SEZ6L: variants seen among roughly 807,000 people sequenced by gnomAD.
SEZ6L encodes the protein seizure related 6 homolog like.
SEZ6L carries 37 observed loss-of-function variants against 106.2 expected under a neutral mutation model. The ratio of observed to expected loss-of-function variants is 0.35; its 90% confidence interval spans 0.27 to 0.46. SEZ6L has a LOEUF of 0.46. Ranked by LOEUF, SEZ6L falls within the 20% of genes least tolerant of loss-of-function variation. The pLI, the probability that SEZ6L is intolerant of heterozygous loss-of-function variation, is 1.00. For missense variants in SEZ6L, 1,172 were observed against 1,332.8 expected (o/e 0.88, Z 1.88); for synonymous variants, 541 against 570.4 (o/e 0.95, Z 0.73).
intron 10 of SEZ6L, among the ~76,000 whole-genome samples, chr22:26,344,075 A>T (rs2082932514): frequency 6.6e-6 from 1 of 152,224 alleles, no homozygotes; most frequent in Non-Finnish European, 1.5e-5. Context: ...GATGCATCAG[A>T]TAGTAGGTCA....
At chr22:26,360,377 G>C (rs1223029527) in intron 12 of SEZ6L, among the ~76,000 whole-genome samples, 1 of 152,096 alleles carries the variant, frequency 6.6e-6, no homozygotes, top group Non-Finnish European at 1.5e-5. Flanking sequence ...AATACTTCTG[G>C]AATACATACA....
chr22:26,232,470 G>A (rs1478465805), intron 1 of SEZ6L, among the ~76,000 whole-genome samples: 1 of 151,716 alleles, frequency 6.6e-6, no homozygotes, highest in Non-Finnish European at 1.5e-5. Context: ...ATGTGACTTT[G>A]TACAAAATAC....
intron 1 of SEZ6L, among the ~76,000 whole-genome samples, chr22:26,177,086 T>C (rs1445891801): frequency 6.6e-6 from 1 of 152,188 alleles, no homozygotes; most frequent in Non-Finnish European, 1.5e-5. Context: ...TGACTTTTCC[T>C]CTTAATCTTA....
intron 9 of SEZ6L, among the ~76,000 whole-genome samples, chr22:26,316,789 G>T (rs184131215): frequency 6.6e-6 from 1 of 151,250 alleles, no homozygotes; most frequent in African/African-American, 2.4e-5. Context: ...CCAAGATCAT[G>T]CCTCTACACT....
chr22:26,369,596 T>C (rs2083954035), intron 13 of SEZ6L, among the ~76,000 whole-genome samples: 1 of 151,858 alleles, frequency 6.6e-6, no homozygotes, highest in Non-Finnish European at 1.5e-5. Context: ...CACCTCTGCC[T>C]CCCAAAGTGC....
chr22:26,233,653 C>A (rs2078868859), intron 1 of SEZ6L, among the ~76,000 whole-genome samples: 6 of 152,330 alleles, frequency 3.9e-5, no homozygotes, highest in Non-Finnish European at 7.4e-5. Flanking sequence ...CCTCATTCTA[C>A]ATGTATTTAT....
At chr22:26,302,300 G>A (rs377552189) in intron 5 of SEZ6L, among the ~76,000 whole-genome samples, 1 of 152,158 alleles carries the variant, frequency 6.6e-6, no homozygotes, top group African/African-American at 2.4e-5. Context: ...TGGCCCTTGG[G>A]TGACTCATAT....
In SEZ6L at chr22:26,235,775, C is replaced by A. The variant is rs759080758; in HGVS notation, c.95-56631C>A. Among the ~76,000 whole-genome samples the A allele has an allele frequency of 1.1e-3, 164 of 152,270 alleles. 1 individual carries two copies. Among genetic ancestry groups the A allele is most frequent in the Non-Finnish European group, 1.8e-3 (123 of 68,026 alleles). ...CTGGAGCATGGATCTCCAAGGAGGA[C>A]AGAGGGGTAGAATAGAGGACTCTCC... On this transcript the variant is annotated intron_variant, in intron 1 of 16. Transcript: ENST00000248933.
intron 9 of SEZ6L, among the ~76,000 whole-genome samples, chr22:26,327,160 C>T (rs2082331399): frequency 6.6e-6 from 1 of 151,618 alleles, no homozygotes; most frequent in Non-Finnish European, 1.5e-5. Context: ...TGCAGAGCCC[C>T]GGCCCACCGC....
intron 10 of SEZ6L, among the ~76,000 whole-genome samples, chr22:26,342,661 C>A (rs2082875103): frequency 6.6e-6 from 1 of 152,104 alleles, no homozygotes; most frequent in Admixed American, 6.5e-5. Flanking sequence ...GCGCCACTGA[C>A]TCCAGCCTGG....
chr22:26,300,798 T>G (rs2081430841), intron 5 of SEZ6L, among the ~76,000 whole-genome samples: 1 of 152,216 alleles, frequency 6.6e-6, no homozygotes, highest in South Asian at 2.1e-4. Flanking sequence ...TTATTTCCAT[T>G]TTTTAATCAG....
intron 1 of SEZ6L, among the ~76,000 whole-genome samples, chr22:26,281,067 G>C (rs1366733058): frequency 1.3e-5 from 2 of 152,176 alleles, no homozygotes; most frequent in Admixed American, 6.5e-5. Flanking sequence ...TTAATCCCCA[G>C]GGTGACAGTA....
At chr22:26,308,383 G>A (rs2081705683) in intron 6 of SEZ6L, among the ~76,000 whole-genome samples, 1 of 151,996 alleles carries the variant, frequency 6.6e-6, no homozygotes, top group Admixed American at 6.6e-5. Context: ...AGAGATCTGG[G>A]AAGCTAGATT....
At chr22:26,312,942 G>T (rs1159887664) in intron 8 of SEZ6L, among the ~76,000 whole-genome samples, 1 of 152,200 alleles carries the variant, frequency 6.6e-6, no homozygotes, top group Non-Finnish European at 1.5e-5. Context: ...GTAATGAAAG[G>T]TGCCCTCACT....
At chr22:26,372,149 G>T (rs2084058064) in intron 13 of SEZ6L, among the ~76,000 whole-genome samples, 1 of 152,172 alleles carries the variant, frequency 6.6e-6, no homozygotes, top group Admixed American at 6.5e-5. Context: ...AGGAGCCAGT[G>T]AGCCCACTGG....
intron 5 of SEZ6L, among the ~76,000 whole-genome samples, chr22:26,301,912 G>T (rs2081465706): frequency 6.6e-6 from 1 of 152,204 alleles, no homozygotes; most frequent in African/African-American, 2.4e-5. Flanking sequence ...ATTGCTCAAG[G>T]TCATGAGAAG....
intron 1 of SEZ6L, among the ~76,000 whole-genome samples, chr22:26,205,258 G>A (rs1291370077): frequency 6.6e-6 from 1 of 152,202 alleles, no homozygotes; most frequent in East Asian, 1.9e-4. Flanking sequence ...GCCCTTTCAA[G>A]TCTGGTGACT....
chr22:26,212,246 T>C (rs148542397), intron 1 of SEZ6L, among the ~76,000 whole-genome samples: 1 of 152,260 alleles, frequency 6.6e-6, no homozygotes, highest in East Asian at 1.9e-4. Flanking sequence ...CTGGTCTTTA[T>C]CATAAACAGA....
intron 16 of SEZ6L, among the ~76,000 whole-genome samples, chr22:26,378,202 A>C (rs1036379007): frequency 6.6e-6 from 1 of 152,226 alleles, no homozygotes; most frequent in Non-Finnish European, 1.5e-5. Flanking sequence ...ATAGACACAG[A>C]TTCCACCATT....
Sources: allele counts gnomAD v4.1 joint callset (sites outside exome capture counted in the v4.1 genomes callset), GRCh38; gene constraint gnomAD v4.1.1; transcripts MANE v1.5; gene names NCBI Gene and HGNC (gene_info 2026-07-23, HGNC 2026-07-21).